The following BAZ2B variants were observed in gnomAD, a reference collection of about 807,000 sequenced individuals.
BAZ2B encodes the protein bromodomain adjacent to zinc finger domain protein 2B.
In BAZ2B, 91 loss-of-function variants were observed where a neutral mutation model predicts 246.0. The observed-to-expected ratio is 0.37, with a 90% CI of 0.31 to 0.44. The LOEUF (loss-of-function observed/expected upper bound fraction) is 0.44, where lower values mean the gene tolerates loss of function less well. BAZ2B is among the 20% of genes least tolerant of loss of function. The pLI is 1.00. For synonymous variants in BAZ2B, 855 were observed against 860.0 expected (o/e 0.99, Z 0.10); for missense variants, 2,332 against 2,533.7 (o/e 0.92, Z 1.71).
the BAZ2B span, among the ~76,000 whole-genome samples, chr2:159,645,441 C>T: frequency 4.3e-4 from 66 of 152,154 alleles, 1 homozygote; most frequent in Admixed American, 1.2e-3. Flanking sequence ...AACTGTTCCA[C>T]CTCAGATCAT....
chr2:159,438,973 A>G, intron 7 of BAZ2B, 36 bp downstream of exon 7: 1 of 1,585,822 alleles, frequency 6.3e-7, no homozygotes. Flanking sequence ...CTAAATATGA[A>G]TAATGTTTGG....
At chr2:159,703,483 T>C in the BAZ2B span, among the ~76,000 whole-genome samples, 241 of 34,056 alleles carry the variant, frequency 7.1e-3, no homozygotes, top group African/African-American at 0.033. Context: ...AATAATCACT[T>C]CTACCCCCCG....
intron 1 of BAZ2B, among the ~76,000 whole-genome samples, chr2:159,601,969 TCTAGAAAACC>T (rs1465563838): frequency 6.6e-6 from 1 of 152,148 alleles, no homozygotes; most frequent in East Asian, 1.9e-4. Flanking sequence ...TGATTATATA[TCTAGAAAACC>T]CTAGAAAATC....
rs1327778920 is a variant in BAZ2B at position 159,430,868 on chromosome 2, T to A, written c.2189A>T (p.His730Leu). Residue 730 changes from histidine to leucine, a missense_variant, in exon 10 of 37, where the codon CAC becomes CTC. This residue lies in a region of BAZ2B where 651 missense variants were observed against 650.9 expected (regional missense o/e 1.00). Transcript: ENST00000392783. ...TSSSTLTSSP[H>L]SGTSKRRRVT... is the part of the protein sequence containing the mutation. Reference sequence around the variant, plus strand: ...TAAAAATAAAGTGTAGGTACCAGAGTGTGGGCTTGAAGTAAGTGTGGAAGA... The same window carrying A: ...TAAAAATAAAGTGTAGGTACCAGAGAGTGGGCTTGAAGTAAGTGTGGAAGA... 1.9e-6 allele frequency: 3 copies of A among 1,612,748 alleles called. No homozygotes were observed. Among genetic ancestry groups the A allele is most frequent in the Non-Finnish European group, 2.5e-6 (3 of 1,179,412 alleles).
chr2:159,363,389 T>A (rs1408826101), intron 27 of BAZ2B, among the ~76,000 whole-genome samples: 2 of 152,202 alleles, frequency 1.3e-5, no homozygotes, highest in South Asian at 2.1e-4. Flanking sequence ...CCTGACAACA[T>A]GCTCTTGGTG....
intron 2 of BAZ2B, among the ~76,000 whole-genome samples, chr2:159,536,064 GA>G (rs1371267018): frequency 2.0e-5 from 3 of 152,162 alleles, no homozygotes; most frequent in Non-Finnish European, 4.4e-5. Context: ...CTGAACACAT[GA>G]GCAACTAACT....
At chr2:159,691,767 C>A in the BAZ2B span, among the ~76,000 whole-genome samples, 1 of 152,166 alleles carries the variant, frequency 6.6e-6, no homozygotes, top group East Asian at 1.9e-4. Context: ...ATGAGAATTG[C>A]AAAAGATCAC....
chr2:159,700,819 G>A, the BAZ2B span, among the ~76,000 whole-genome samples: 2 of 150,844 alleles, frequency 1.3e-5, no homozygotes, highest in African/African-American at 5.0e-5. Context: ...CCAAAGATGT[G>A]GGACATGCAG....
chr2:159,599,961 A>AAAAGAAAG lies in BAZ2B; in HGVS notation c.-46+16273_-46+16280dup, dbSNP rs902536533. ...AAAAAAAAAAAAAAAAAAGAAAAGA[A>AAAAGAAAG]AAAGAAAGAAAGAAAGAAATCTGAG... On this transcript the variant is annotated intron_variant, in intron 1 of 36. Transcript: ENST00000392783. Among the ~76,000 whole-genome samples the AAAAGAAAG allele has an allele frequency of 2.0e-5, 3 of 151,622 alleles. No individual in the cohort carries two copies. In the East Asian group the frequency reaches 5.8e-4, roughly 29 times the overall value.
At chr2:159,438,189 A>G in intron 8 of BAZ2B, 114 bp downstream of exon 8, 3 of 982,574 alleles carry the variant, frequency 3.1e-6, no homozygotes, top group East Asian at 5.2e-5. Flanking sequence ...CTGGAGACTA[A>G]GAAAGTATAA....
chr2:159,324,700 G>A, intron 36 of BAZ2B, 111 bp downstream of exon 36: 1 of 490,096 alleles, frequency 2.0e-6, no homozygotes, highest in Non-Finnish European at 3.3e-6. Context: ...CTGCCTCAAA[G>A]GCAGGGCCTA....
rs1209980530 is a variant in BAZ2B at position 159,569,309 on chromosome 2, T to TGAAACAATGATTGTTTGG, written c.-45-13462_-45-13445dup. 3.9e-5 allele frequency among the ~76,000 whole-genome samples: 6 copies of TGAAACAATGATTGTTTGG among 152,282 alleles called. No homozygotes were observed. The East Asian group carries it at 7.7e-4, about 20-fold the overall frequency. On this transcript the variant is annotated intron_variant, in intron 1 of 36. Coordinates refer to ENST00000392783, the MANE Select transcript of BAZ2B (RefSeq NM_013450.4). ...AAATTATGACATGAGCTATTCAAGA[T>TGAAACAATGATTGTTTGG]GAAACAATGATTGTTTGGGGAGCAA...
rs1325788418 is a variant in BAZ2B, at chr2:159,562,043, T to C, written c.-45-6178A>G. 5.9e-5 allele frequency among the ~76,000 whole-genome samples: 9 copies of C among 152,212 alleles called. No homozygotes were observed. In the East Asian group the frequency reaches 1.3e-3, roughly 23 times the overall value. ...GCTGGGCAGAATTGCTTTACTTTGT[T>C]TTCTCATGTACTATTATGACTAAAA... On this transcript the variant is annotated intron_variant, in intron 1 of 36. Transcript: ENST00000392783.
chr2:159,585,973 A>G (rs1371385373), intron 1 of BAZ2B, among the ~76,000 whole-genome samples: 2 of 152,234 alleles, frequency 1.3e-5, no homozygotes, highest in Admixed American at 6.5e-5. Context: ...ATTTTTGGCA[A>G]AAGTCACCTT....
the BAZ2B span, among the ~76,000 whole-genome samples, chr2:159,670,370 A>G: frequency 6.6e-6 from 1 of 152,110 alleles, no homozygotes; most frequent in Non-Finnish European, 1.5e-5. Context: ...TTTTATTTTT[A>G]GCGATTTCTG....
chr2:159,564,813 C>G (rs2090206446), intron 1 of BAZ2B, among the ~76,000 whole-genome samples: 1 of 152,130 alleles, frequency 6.6e-6, no homozygotes, highest in Non-Finnish European at 1.5e-5. Context: ...CAAACTGTGA[C>G]AAATGCTGCC....
chr2:159,438,153 A>G (rs1353578510), intron 8 of BAZ2B, 150 bp downstream of exon 8: 12 of 707,306 alleles, frequency 1.7e-5, no homozygotes, highest in Admixed American at 3.0e-5. Context: ...AGAGAAATTT[A>G]GTTTTCTGCT....
chr2:159,552,373 T>A (rs1002350180), intron 2 of BAZ2B, among the ~76,000 whole-genome samples: 1 of 152,204 alleles, frequency 6.6e-6, no homozygotes, highest in African/African-American at 2.4e-5. Flanking sequence ...TTAGGATATA[T>A]CACTGAACTT....
chr2:159,644,510 C>T, the BAZ2B span, among the ~76,000 whole-genome samples: 2 of 152,198 alleles, frequency 1.3e-5, no homozygotes, highest in African/African-American at 4.8e-5. Context: ...GCCCCTTAGG[C>T]TAGTGCTGGT....
Sources: allele counts gnomAD v4.1 joint callset (sites outside exome capture counted in the v4.1 genomes callset), GRCh38; gene constraint gnomAD v4.1.1; regional missense constraint gnomAD v4.1.1; transcripts MANE v1.5; gene names NCBI Gene and HGNC (gene_info 2026-07-23, HGNC 2026-07-21).